The following ACYP2 variants were observed in gnomAD, a reference collection of about 807,000 sequenced individuals.
The protein encoded by ACYP2 is acylphosphatase 2, also known as acylphosphatase-2.
In ACYP2, 12 loss-of-function variants were observed where a neutral mutation model predicts 11.2. That is an observed-to-expected ratio of 1.08 (90% confidence interval 0.69 to 1.74). The LOEUF (loss-of-function observed/expected upper bound fraction) is 1.74. Ranked by LOEUF, ACYP2 falls within the 40% of genes most tolerant of loss-of-function variation. ACYP2 has a pLI of 0.00. For missense variants in ACYP2, 134 were observed against 101.9 expected (o/e 1.31, Z -1.35); for synonymous variants, 43 against 32.2 (o/e 1.33, Z -1.13).
intron 6 of ACYP2, among the ~76,000 whole-genome samples, chr2:54,276,330 C>A (rs1011321707): frequency 6.6e-6 from 1 of 152,110 alleles, no homozygotes; most frequent in African/African-American, 2.4e-5. Context: ...TTTCAGACAG[C>A]ATTCTCCTTT....
chr2:54,012,649 C>T (rs1673436782), intron 2 of ACYP2, among the ~76,000 whole-genome samples: 1 of 152,142 alleles, frequency 6.6e-6, no homozygotes. Flanking sequence ...CCTCTATCCT[C>T]AGCTCCTCTG....
Position 54,124,943 on chromosome 2 carries a change from G to A in ACYP2, c.278-10510G>A, listed in dbSNP as rs182795166. ...TTGTATTCATATTTTTTGTAGAGAT[G>A]GGGTTTCACCATGTTGCCCAGGCTG... On this transcript the variant is annotated intron_variant, in intron 4 of 6. Coordinates refer to ENST00000607452, the MANE Select transcript of ACYP2 (RefSeq NM_001320586.2). Among the ~76,000 whole-genome samples the A allele has an allele frequency of 2.0e-5, 3 of 152,214 alleles. No homozygotes were observed. In the East Asian group the frequency reaches 5.8e-4, roughly 29 times the overall value.
intron 4 of ACYP2, among the ~76,000 whole-genome samples, chr2:54,106,769 G>C (rs984522913): frequency 6.6e-5 from 10 of 152,066 alleles, no homozygotes; most frequent in African/African-American, 2.4e-4. Flanking sequence ...TGTTTTAGTA[G>C]AGACGGGGTT....
chr2:54,072,513 T>TCTTTCTTTCTTTCC (rs1677108657), intron 4 of ACYP2, among the ~76,000 whole-genome samples: 254 of 146,144 alleles, frequency 1.7e-3, no homozygotes, highest in South Asian at 4.6e-3. Flanking sequence ...CTCTCTCTCT[T>TCTTTCTTTCTTTCC]TCTTTCTTCT....
intron 4 of ACYP2, among the ~76,000 whole-genome samples, chr2:54,090,262 C>G (rs1351582578): frequency 6.6e-6 from 1 of 152,160 alleles, no homozygotes; most frequent in Non-Finnish European, 1.5e-5. Context: ...CTCACCCTGC[C>G]TTGCCCCTTT....
chr2:54,248,390 A>G (rs1412520140), intron 6 of ACYP2, among the ~76,000 whole-genome samples: 1 of 152,222 alleles, frequency 6.6e-6, no homozygotes, highest in African/African-American at 2.4e-5. Context: ...AGAACTAAAA[A>G]CAGAAGGGCA....
chr2:54,108,079 A>G (rs562892876), intron 4 of ACYP2, among the ~76,000 whole-genome samples: 1 of 152,194 alleles, frequency 6.6e-6, no homozygotes, highest in African/African-American at 2.4e-5. Flanking sequence ...GGTGCCCCAC[A>G]AGCCAGTGAA....
At chr2:54,049,213 A>T (rs945029393) in intron 2 of ACYP2, among the ~76,000 whole-genome samples, 1 of 152,088 alleles carries the variant, frequency 6.6e-6, no homozygotes, top group African/African-American at 2.4e-5. Context: ...GTGAGCCAAG[A>T]TCGCGTCACT....
chr2:54,089,955 G>A (rs1266553040), intron 4 of ACYP2, among the ~76,000 whole-genome samples: 11 of 151,748 alleles, frequency 7.2e-5, no homozygotes, highest in Non-Finnish European at 1.6e-4. Flanking sequence ...AGGCCAGCCT[G>A]GCTAAGATGG....
At chr2:54,005,363 G>A (rs1455254676) in intron 2 of ACYP2, among the ~76,000 whole-genome samples, 1 of 145,820 alleles carries the variant, frequency 6.9e-6, no homozygotes, top group East Asian at 2.0e-4. Context: ...TTTTTGAGAC[G>A]GAGTCTTATT....
chr2:54,171,357 G>C (rs963130413), intron 6 of ACYP2, among the ~76,000 whole-genome samples: 6 of 152,144 alleles, frequency 3.9e-5, no homozygotes, highest in African/African-American at 1.4e-4. Flanking sequence ...TGTTATCGGG[G>C]GGCGAGCTGT....
intron 2 of ACYP2, among the ~76,000 whole-genome samples, chr2:54,042,190 G>A (rs1256486229): frequency 3.9e-5 from 6 of 152,088 alleles, no homozygotes; most frequent in Admixed American, 2.0e-4. Context: ...ATTTTTAGTA[G>A]ACACAGGGTT....
chr2:54,174,578 A>G (rs945306677), intron 6 of ACYP2, among the ~76,000 whole-genome samples: 1 of 152,162 alleles, frequency 6.6e-6, no homozygotes, highest in Non-Finnish European at 1.5e-5. Context: ...AGGAGTGGTG[A>G]GAGAGGGCAT....
intron 2 of ACYP2, among the ~76,000 whole-genome samples, chr2:53,981,480 G>A (rs1345532456): frequency 6.6e-6 from 1 of 152,252 alleles, no homozygotes; most frequent in East Asian, 1.9e-4. Flanking sequence ...CCAATCAGAG[G>A]CTGAAGTGAA....
At chr2:54,000,820 T>C (rs989218209) in intron 2 of ACYP2, among the ~76,000 whole-genome samples, 1 of 152,208 alleles carries the variant, frequency 6.6e-6, no homozygotes, top group Non-Finnish European at 1.5e-5. Flanking sequence ...CGTCATATGG[T>C]CTTCTAACTT....
chr2:54,105,586 C>A (rs1462241475), intron 4 of ACYP2, among the ~76,000 whole-genome samples: 1 of 152,042 alleles, frequency 6.6e-6, no homozygotes, highest in South Asian at 2.1e-4. Context: ...CCCACCTCAG[C>A]CTCCCAAGTA....
intron 6 of ACYP2, among the ~76,000 whole-genome samples, chr2:54,208,679 G>C (rs1362181586): frequency 6.8e-6 from 1 of 146,934 alleles, no homozygotes; most frequent in African/African-American, 2.5e-5. Context: ...ATAAGAATTA[G>C]TTTAGATTTT....
intron 4 of ACYP2, among the ~76,000 whole-genome samples, chr2:54,114,236 G>A (rs1306478573): frequency 1.3e-5 from 2 of 152,170 alleles, no homozygotes; most frequent in Non-Finnish European, 2.9e-5. Context: ...ATTCTAGAAG[G>A]TGGCAGATTA....
intron 5 of ACYP2, 118 bp from the exon 3 acceptor site, chr2:54,138,521 G>A: frequency 1.5e-6 from 1 of 675,000 alleles, no homozygotes; most frequent in Admixed American, 3.1e-5. Flanking sequence ...TACAATTGTT[G>A]GCATTGACTA....
Sources: allele counts gnomAD v4.1 joint callset (sites outside exome capture counted in the v4.1 genomes callset), GRCh38; gene constraint gnomAD v4.1.1; transcripts MANE v1.5; gene names NCBI Gene and HGNC (gene_info 2026-07-23, HGNC 2026-07-21).